ZFPM2: variants seen among roughly 807,000 people sequenced by gnomAD.
ZFPM2 encodes the protein zinc finger protein ZFPM2.
A neutral mutation model predicts 98.6 loss-of-function variants in ZFPM2; 20 were observed. The observed-to-expected ratio is 0.20, with a 90% confidence interval of 0.14 to 0.29. The LOEUF (loss-of-function observed/expected upper bound fraction) is 0.29, where lower values mean the gene tolerates loss of function less well. Ranked by LOEUF, ZFPM2 falls within the 10% of genes least tolerant of loss-of-function variation. The probability of loss-of-function intolerance (pLI) is 1.00; values close to 1 mark genes in which losing one functional copy is unlikely to be tolerated. For synonymous variants in ZFPM2, 518 were observed against 502.7 expected (o/e 1.03, Z -0.41); for missense variants, 1,310 against 1,388.6 (o/e 0.94, Z 0.90).
chr8:105,796,342 T>C (rs1387110960), intron 6 of ZFPM2, among the ~76,000 whole-genome samples: 1 of 151,424 alleles, frequency 6.6e-6, no homozygotes, highest in Non-Finnish European at 1.5e-5. Context: ...GCTATTTATG[T>C]CAAATAATTC....
chr8:105,539,923 A>G (rs1192503846), intron 3 of ZFPM2, among the ~76,000 whole-genome samples: 2 of 152,124 alleles, frequency 1.3e-5, no homozygotes, highest in South Asian at 2.1e-4. Context: ...GCTTCATGTA[A>G]CTTTAAAGAG....
chr8:105,697,377 T>G (rs2130950434), intron 5 of ZFPM2, among the ~76,000 whole-genome samples: 1 of 152,318 alleles, frequency 6.6e-6, no homozygotes, highest in East Asian at 1.9e-4. Flanking sequence ...CATAATGCTG[T>G]CACATTCTGC....
chr8:105,349,871 G>A (rs1421969464), intron 1 of ZFPM2, among the ~76,000 whole-genome samples: 1 of 152,072 alleles, frequency 6.6e-6, no homozygotes, highest in East Asian at 1.9e-4. Flanking sequence ...TTTCTACATG[G>A]CCTTCTTGAC....
chr8:105,374,444 C>A (rs1453725622), intron 1 of ZFPM2, among the ~76,000 whole-genome samples: 3 of 151,804 alleles, frequency 2.0e-5, no homozygotes, highest in Non-Finnish European at 2.9e-5. Flanking sequence ...CTATTTCTCC[C>A]AGGCTGGAGT....
At chr8:105,456,674 T>C (rs1812598565) in intron 3 of ZFPM2, among the ~76,000 whole-genome samples, 1 of 152,156 alleles carries the variant, frequency 6.6e-6, no homozygotes, top group African/African-American at 2.4e-5. Flanking sequence ...TTATTTCTTT[T>C]ATTGCTTGTT....
intron 1 of ZFPM2, among the ~76,000 whole-genome samples, chr8:105,330,551 T>TATAC (rs1554594955): frequency 4.0e-4 from 27 of 67,690 alleles, no homozygotes; most frequent in Admixed American, 1.1e-3. Flanking sequence ...TATATATATA[T>TATAC]ACATATATAT....
At chr8:105,695,397 T>G (rs2130946916) in intron 5 of ZFPM2, among the ~76,000 whole-genome samples, 1 of 148,878 alleles carries the variant, frequency 6.7e-6, no homozygotes, top group East Asian at 1.9e-4. Flanking sequence ...TTTTTTTTTT[T>G]TTTTTTTGCT....
At chr8:105,771,411 A>AT (rs1812975909) in intron 5 of ZFPM2, among the ~76,000 whole-genome samples, 2 of 152,144 alleles carry the variant, frequency 1.3e-5, no homozygotes, top group Admixed American at 6.6e-5. Context: ...ATAACAGCAC[A>AT]TTTTTTCTAT....
At chr8:105,447,554 C>T (rs1563663686) in intron 3 of ZFPM2, among the ~76,000 whole-genome samples, 5 of 151,968 alleles carry the variant, frequency 3.3e-5, no homozygotes, top group African/African-American at 7.2e-5. Context: ...TGAGTTTAGC[C>T]GCAAATTATT....
intron 1 of ZFPM2, among the ~76,000 whole-genome samples, chr8:105,405,553 G>A (rs988003867): frequency 1.3e-5 from 2 of 151,464 alleles, no homozygotes; most frequent in Non-Finnish European, 2.9e-5. Flanking sequence ...CCTTGCAATA[G>A]TTTGCTGAGA....
At chr8:105,498,401 C>G (rs1156472708) in intron 3 of ZFPM2, among the ~76,000 whole-genome samples, 1 of 152,092 alleles carries the variant, frequency 6.6e-6, no homozygotes, top group African/African-American at 2.4e-5. Context: ...GATTGATCAC[C>G]TACAATGTGG....
intron 5 of ZFPM2, among the ~76,000 whole-genome samples, chr8:105,766,872 T>A (rs1812865034): frequency 6.6e-6 from 1 of 152,018 alleles, no homozygotes; most frequent in South Asian, 2.1e-4. Context: ...GCCATCCTGC[T>A]GAACGCTTAG....
chr8:105,788,127 A>G (rs200209198), intron 5 of ZFPM2, among the ~76,000 whole-genome samples: 1 of 152,320 alleles, frequency 6.6e-6, no homozygotes, highest in East Asian at 1.9e-4. Context: ...TTATATAAGT[A>G]AAGATTATTC....
At chr8:105,553,886 G>A (rs559770155) in intron 3 of ZFPM2, among the ~76,000 whole-genome samples, 6 of 151,702 alleles carry the variant, frequency 4.0e-5, no homozygotes, top group South Asian at 2.1e-4. Context: ...AAGTTCATGC[G>A]CCGGATAAGG....
intron 3 of ZFPM2, among the ~76,000 whole-genome samples, chr8:105,495,582 G>A (rs1439505934): frequency 6.6e-6 from 1 of 152,094 alleles, no homozygotes; most frequent in Admixed American, 6.5e-5. Context: ...ATATCCATAG[G>A]TAGGAATTTA....
chr8:105,374,941 C>A (rs1810694289), intron 1 of ZFPM2, among the ~76,000 whole-genome samples: 1 of 151,946 alleles, frequency 6.6e-6, no homozygotes, highest in Non-Finnish European at 1.5e-5. Context: ...AATGAGGGAT[C>A]TGTCCAAGAC....
chr8:105,687,778 T>C (rs1810775454), intron 5 of ZFPM2, among the ~76,000 whole-genome samples: 1 of 152,138 alleles, frequency 6.6e-6, no homozygotes, highest in African/African-American at 2.4e-5. Context: ...AAGCATCATG[T>C]TCAATTAGAA....
chr8:105,623,643 T>A (rs1041892795), intron 4 of ZFPM2, among the ~76,000 whole-genome samples: 33 of 152,190 alleles, frequency 2.2e-4, no homozygotes, highest in Non-Finnish European at 4.1e-4. Context: ...TGGACACATC[T>A]TAGCGTCTGA....
intron 1 of ZFPM2, among the ~76,000 whole-genome samples, chr8:105,406,090 G>A (rs931854459): frequency 1.3e-4 from 20 of 152,254 alleles, no homozygotes; most frequent in African/African-American, 3.8e-4. Flanking sequence ...TTTGAGAAGT[G>A]TCTGTTCATA....
Sources: gnomAD v4.1 joint callset for allele counts (sites outside exome capture counted in the v4.1 genomes callset) on GRCh38, gnomAD v4.1.1 for gene constraint, MANE v1.5 for transcripts, NCBI Gene and HGNC (gene_info 2026-07-23, HGNC 2026-07-21) for gene names.